Variants in NHS observed in about 807,000 individuals in gnomAD.
NHS encodes NHS actin remodeling regulator, also known as actin remodeling regulator NHS.
A neutral mutation model predicts 72.5 loss-of-function variants in NHS; 5 were observed. The observed-to-expected ratio is 0.07, with a 90% CI of 0.04 to 0.14. The LOEUF is 0.14. NHS is among the 10% of genes least tolerant of loss of function. NHS has a pLI of 1.00. For synonymous variants in NHS, 464 were observed against 547.7 expected, an observed-to-expected ratio of 0.85 and a Z score of 2.13; for missense variants, 1,072 against 1,355.7, an observed-to-expected ratio of 0.79 and a Z score of 3.29.
chrX:17,640,392 G>A (rs1186591762), intron 1 of NHS, among the ~76,000 whole-genome samples: 1 of 111,527 alleles, frequency 9.0e-6, no homozygotes, highest in African/African-American at 3.3e-5. Context: ...CTGCACCCCC[G>A]GCTCCTGAAA....
intron 1 of NHS, among the ~76,000 whole-genome samples, chrX:17,548,555 G>GC (rs2065306136): frequency 9.0e-6 from 1 of 111,476 alleles, no homozygotes; most frequent in Non-Finnish European, 1.9e-5. Context: ...CTAGGGCCAT[G>GC]CATGTATGCA....
chrX:17,563,917 G>A (rs1162846739), intron 1 of NHS, among the ~76,000 whole-genome samples: 1 of 111,551 alleles, frequency 9.0e-6, no homozygotes, highest in Non-Finnish European at 1.9e-5. Context: ...GCATGGATAT[G>A]TTTTTTCAAC....
chrX:17,468,025 A>G (rs962990842), intron 1 of NHS, among the ~76,000 whole-genome samples: 2 of 111,008 alleles, frequency 1.8e-5, no homozygotes, highest in African/African-American at 6.6e-5. Context: ...CACCCCAGGG[A>G]TTTGGGAATG....
chrX:17,410,553 C>T (rs977593276), intron 1 of NHS, among the ~76,000 whole-genome samples: 2 of 100,078 alleles, frequency 2.0e-5, no homozygotes, highest in Non-Finnish European at 4.0e-5. Context: ...CCTTAGAACA[C>T]CAGTGAGTAA....
At chrX:17,544,326 A>G (rs1210997207) in intron 1 of NHS, among the ~76,000 whole-genome samples, 1 of 111,814 alleles carries the variant, frequency 8.9e-6, no homozygotes, top group Non-Finnish European at 1.9e-5. Context: ...TGCTTTGTGT[A>G]TAATCCCCAC....
At chrX:17,537,770 A>C (rs1056863587) in intron 1 of NHS, among the ~76,000 whole-genome samples, 9 of 111,958 alleles carry the variant, frequency 8.0e-5, no homozygotes, top group Non-Finnish European at 1.3e-4. Context: ...CTGACCCGCC[A>C]GGCTGATGTC....
intron 1 of NHS, among the ~76,000 whole-genome samples, chrX:17,604,611 C>T (rs1226870889): frequency 8.9e-6 from 1 of 112,020 alleles, no homozygotes. Context: ...CAAGGGTAAC[C>T]AGGTATCTGA....
chrX:17,396,561 C>A (rs771773363), intron 1 of NHS, among the ~76,000 whole-genome samples: 1 of 111,609 alleles, frequency 9.0e-6, no homozygotes, highest in Admixed American at 9.6e-5. Context: ...GACAAGATTA[C>A]TGTGACTTCT....
intron 1 of NHS, among the ~76,000 whole-genome samples, chrX:17,415,325 G>A (rs1285410707): frequency 9.0e-6 from 1 of 111,255 alleles, no homozygotes; most frequent in Non-Finnish European, 1.9e-5. Context: ...CTGTGTTCCC[G>A]AGTCTCAATG....
chrX:17,719,480 T>A, intron 4 of NHS, 74 bp downstream of exon 4: 1 of 820,682 alleles, frequency 1.2e-6, no homozygotes, highest in Non-Finnish European at 1.7e-6. Context: ...TTCCCTCTTT[T>A]AACTTTATGG....
chrX:17,387,495 C>G (rs1287605250), intron 1 of NHS, among the ~76,000 whole-genome samples: 1 of 112,043 alleles, frequency 8.9e-6, no homozygotes, highest in Non-Finnish European at 1.9e-5. Flanking sequence ...TTCTCTGACT[C>G]TAGAGTGTCA....
At chrX:17,602,033 C>T (rs2065652469) in intron 1 of NHS, among the ~76,000 whole-genome samples, 1 of 111,803 alleles carries the variant, frequency 8.9e-6, no homozygotes, top group African/African-American at 3.3e-5. Flanking sequence ...GGTGTCAGTG[C>T]ATGCCAGGAA....
chrX:17,467,782 A>G (rs1220368279), intron 1 of NHS, among the ~76,000 whole-genome samples: 3 of 111,900 alleles, frequency 2.7e-5, no homozygotes, highest in African/African-American at 9.7e-5. Flanking sequence ...TTCTGAAGGG[A>G]TCATTTGATC....
intron 1 of NHS, among the ~76,000 whole-genome samples, chrX:17,636,179 G>A (rs1179541585): frequency 1.8e-5 from 2 of 111,710 alleles, no homozygotes; most frequent in African/African-American, 6.5e-5. Flanking sequence ...ATCTCCCAGT[G>A]TCCCCAAAAC....
chrX:17,429,544 G>A (rs1292488042), intron 1 of NHS, among the ~76,000 whole-genome samples: 2 of 111,273 alleles, frequency 1.8e-5, no homozygotes, highest in Non-Finnish European at 3.8e-5. Flanking sequence ...TTAGGCATGT[G>A]TCCTACCAAT....
intron 1 of NHS, among the ~76,000 whole-genome samples, chrX:17,447,769 ACACG>A (rs2064787868): frequency 1.1e-5 from 1 of 92,185 alleles, no homozygotes; most frequent in Non-Finnish European, 2.1e-5. Flanking sequence ...ACACACACAC[ACACG>A]CACACACACA....
intron 1 of NHS, among the ~76,000 whole-genome samples, chrX:17,498,036 C>T (rs887558345): frequency 4.5e-5 from 5 of 111,769 alleles, no homozygotes; most frequent in Non-Finnish European, 9.4e-5. Flanking sequence ...TAATTAAATC[C>T]GAATCACTAA....
chrX:17,428,773 C>G (rs1376073959), intron 1 of NHS, among the ~76,000 whole-genome samples: 2 of 111,437 alleles, frequency 1.8e-5, no homozygotes, highest in Non-Finnish European at 3.8e-5. Context: ...TCAATTAATG[C>G]CCTTTTGGAA....
At chrX:17,500,696 T>C (rs1207999312) in intron 1 of NHS, among the ~76,000 whole-genome samples, 4 of 111,969 alleles carry the variant, frequency 3.6e-5, no homozygotes. Flanking sequence ...CCTCTGCACA[T>C]ACTGTCAGAT....
Sources: allele counts gnomAD v4.1 joint callset (sites outside exome capture counted in the v4.1 genomes callset), GRCh38; gene constraint gnomAD v4.1.1; transcripts MANE v1.5; gene names NCBI Gene and HGNC (gene_info 2026-07-23, HGNC 2026-07-21).